The following FNDC3A variants were observed in gnomAD, a reference collection of about 807,000 sequenced individuals.
FNDC3A encodes fibronectin type III domain containing 3A.
FNDC3A carries 32 observed loss-of-function variants against 148.9 expected under a neutral mutation model. That is an observed-to-expected ratio of 0.21 (90% CI 0.16 to 0.29). The LOEUF (loss-of-function observed/expected upper bound fraction) is 0.29. Among genes scored for constraint, FNDC3A ranks in the 10% least tolerant of loss-of-function variants. The pLI is 1.00. For missense variants in FNDC3A, 1,191 were observed against 1,452.8 expected, an observed-to-expected ratio of 0.82 and a Z score of 2.93; for synonymous variants, 472 against 473.6, an observed-to-expected ratio of 1.00 and a Z score of 0.04.
chr13:49,167,402 T>C (rs1051785375), intron 9 of FNDC3A, 99 bp downstream of exon 9: 18 of 692,730 alleles, frequency 2.6e-5, no homozygotes, highest in African/African-American at 3.7e-5. Context: ...ATTTAAACAT[T>C]AATTTTGGAT....
chr13:49,167,106 TA>T lies in FNDC3A; in HGVS notation c.978-137del, dbSNP rs1884507519. The T allele has an allele frequency of 3.2e-5, 16 of 500,272 alleles. No homozygotes were observed. The East Asian group carries it at 5.3e-4, about 17-fold the overall frequency. 31.0% of individuals were successfully genotyped at this position (500,272 alleles called of 1,614,324 possible). On this transcript the variant is annotated intron_variant, in intron 8 of 25. Transcript: ENST00000492622. Reference sequence around the variant, plus strand: ...ATATCCTAACTGCCAAATTCCATATTAGTGGAATCTGAATACAGTTACAGTT... The same window carrying T: ...ATATCCTAACTGCCAAATTCCATATTGTGGAATCTGAATACAGTTACAGTT...
chr13:49,053,528 A>G (rs984327510), intron 2 of FNDC3A, among the ~76,000 whole-genome samples: 1 of 152,138 alleles, frequency 6.6e-6, no homozygotes, highest in African/African-American at 2.4e-5. Context: ...CAGTCAGTAC[A>G]TGTGAGGCAT....
chr13:49,118,079 A>G (rs936929307), intron 4 of FNDC3A, among the ~76,000 whole-genome samples: 2 of 152,226 alleles, frequency 1.3e-5, no homozygotes, highest in African/African-American at 4.8e-5. Flanking sequence ...TTATCTCTAG[A>G]AAATGTGTCG....
chr13:48,980,450 T>C (rs759546522), intron 1 of FNDC3A, among the ~76,000 whole-genome samples: 10 of 152,146 alleles, frequency 6.6e-5, no homozygotes, highest in Admixed American at 1.3e-4. Context: ...CACTCTGTTA[T>C]GGAACAGTCT....
chr13:49,174,981 G>A (rs1454798190), intron 12 of FNDC3A, among the ~76,000 whole-genome samples: 2 of 151,686 alleles, frequency 1.3e-5, no homozygotes, highest in Non-Finnish European at 2.9e-5. Flanking sequence ...AGGGGCAGGT[G>A]CGTTTAATTA....
intron 17 of FNDC3A, among the ~76,000 whole-genome samples, chr13:49,189,759 C>T (rs1162198316): frequency 6.6e-6 from 1 of 152,152 alleles, no homozygotes; most frequent in Non-Finnish European, 1.5e-5. Context: ...TCCTGTTCTA[C>T]TATAGCATTT....
At chr13:49,107,242 G>A (rs1880254705) in intron 3 of FNDC3A, among the ~76,000 whole-genome samples, 1 of 152,192 alleles carries the variant, frequency 6.6e-6, no homozygotes, top group Non-Finnish European at 1.5e-5. Flanking sequence ...TAGAGTTAAT[G>A]TTATATAGAG....
intron 17 of FNDC3A, among the ~76,000 whole-genome samples, chr13:49,190,550 A>C (rs1021006187): frequency 6.6e-6 from 1 of 152,224 alleles, no homozygotes; most frequent in Non-Finnish European, 1.5e-5. Flanking sequence ...TGTTTAGGTT[A>C]AAAATACAGT....
At chr13:49,049,328 G>T (rs1267367546) in intron 2 of FNDC3A, among the ~76,000 whole-genome samples, 1 of 152,138 alleles carries the variant, frequency 6.6e-6, no homozygotes, top group Non-Finnish European at 1.5e-5. Context: ...TTCATAGAAT[G>T]ATTTCAGGAG....
At chr13:49,051,936 G>T (rs1363362870) in intron 2 of FNDC3A, among the ~76,000 whole-genome samples, 1 of 152,014 alleles carries the variant, frequency 6.6e-6, no homozygotes, top group Non-Finnish European at 1.5e-5. Context: ...AGGCTCTGAA[G>T]TTCTTTCTTC....
chr13:49,187,701 G>GA, intron 16 of FNDC3A: 1 of 1,474,490 alleles, frequency 6.8e-7, no homozygotes, highest in African/African-American at 1.4e-5. Context: ...GAAAGGCACA[G>GA]AAACCGAGGA....
intron 4 of FNDC3A, among the ~76,000 whole-genome samples, chr13:49,128,738 C>T (rs1881854989): frequency 6.6e-6 from 1 of 152,188 alleles, no homozygotes; most frequent in Non-Finnish European, 1.5e-5. Context: ...TCTGCCTTTG[C>T]TCCTTTATAC....
chr13:49,153,003 G>C (rs1440874699), intron 8 of FNDC3A, among the ~76,000 whole-genome samples: 1 of 150,694 alleles, frequency 6.6e-6, no homozygotes, highest in African/African-American at 2.4e-5. Context: ...CTTTATAGCA[G>C]CATGATTTAT....
intron 2 of FNDC3A, chr13:49,044,939 C>G: frequency 3.4e-6 from 1 of 295,696 alleles, no homozygotes; most frequent in South Asian, 3.4e-5. Context: ...TGTAGATGTA[C>G]TACCCTGAGT....
intron 2 of FNDC3A, among the ~76,000 whole-genome samples, chr13:49,023,127 A>C (rs1000099423): frequency 2.0e-5 from 3 of 152,088 alleles, no homozygotes; most frequent in African/African-American, 7.2e-5. Context: ...ATTTTAAGAT[A>C]GTCTAAAGGG....
chr13:49,193,289 G>A (rs1017023611), intron 19 of FNDC3A, among the ~76,000 whole-genome samples: 4 of 151,880 alleles, frequency 2.6e-5, no homozygotes, highest in African/African-American at 9.7e-5. Context: ...TTTTGAGACA[G>A]GGTATCTGTC....
At chr13:49,008,055 A>G (rs1265258809) in intron 2 of FNDC3A, among the ~76,000 whole-genome samples, 3 of 152,170 alleles carry the variant, frequency 2.0e-5, no homozygotes, top group African/African-American at 4.8e-5. Flanking sequence ...AGTTATAGCT[A>G]TGTGGGTGAA....
At chr13:49,151,426 A>G (rs1883287699) in intron 8 of FNDC3A, among the ~76,000 whole-genome samples, 1 of 151,902 alleles carries the variant, frequency 6.6e-6, no homozygotes, top group South Asian at 2.1e-4. Context: ...GTTTGCATGG[A>G]TTATCGTTTT....
At chr13:49,181,514 G>A (rs992496383) in intron 14 of FNDC3A, among the ~76,000 whole-genome samples, 13 of 151,616 alleles carry the variant, frequency 8.6e-5, no homozygotes, top group Admixed American at 3.3e-4. Flanking sequence ...TGATCTAGAG[G>A]AGGAAAAAAA....
Sources: gnomAD v4.1 joint callset for allele counts (sites outside exome capture counted in the v4.1 genomes callset) on GRCh38, gnomAD v4.1.1 for gene constraint, MANE v1.5 for transcripts, NCBI Gene and HGNC (gene_info 2026-07-23, HGNC 2026-07-21) for gene names.